The following CSNK1G3 variants were observed in gnomAD, a reference collection of about 807,000 sequenced individuals.
CSNK1G3 encodes the protein casein kinase I isoform gamma-3.
In CSNK1G3, 23 loss-of-function variants were observed where a neutral mutation model predicts 64.3. That is an observed-to-expected ratio of 0.36 (90% CI 0.26 to 0.51). The LOEUF (loss-of-function observed/expected upper bound fraction) is 0.51, where lower values mean the gene tolerates loss of function less well. Ranked by LOEUF, CSNK1G3 falls within the 20% of genes least tolerant of loss-of-function variation. CSNK1G3 has a pLI of 0.96. For missense variants in CSNK1G3, 357 were observed against 510.5 expected, an observed-to-expected ratio of 0.70 and a Z score of 2.90; for synonymous variants, 158 against 162.2, an observed-to-expected ratio of 0.97 and a Z score of 0.20.
chr5:123,592,874 G>A (rs1394819367), intron 10 of CSNK1G3, among the ~76,000 whole-genome samples: 1 of 151,784 alleles, frequency 6.6e-6, no homozygotes, highest in Non-Finnish European at 1.5e-5. Flanking sequence ...TAGCTGGAGT[G>A]CTGTGAAAAG....
intron 8 of CSNK1G3, among the ~76,000 whole-genome samples, chr5:123,588,912 TTAAG>T (rs1791822943): frequency 6.6e-6 from 1 of 152,136 alleles, no homozygotes; most frequent in Non-Finnish European, 1.5e-5. Flanking sequence ...TAAACTTAAA[TTAAG>T]TAAGGCCAGT....
chr5:123,588,363 G>A (rs960098746), intron 7 of CSNK1G3, 64 bp from the exon 8 acceptor site: 2 of 1,297,506 alleles, frequency 1.5e-6, no homozygotes, highest in African/African-American at 2.9e-5. Context: ...AGGCTACCGT[G>A]TGCAGTCCCA....
chr5:123,563,037 G>A (rs1786090237), intron 4 of CSNK1G3, among the ~76,000 whole-genome samples: 2 of 151,886 alleles, frequency 1.3e-5, no homozygotes, highest in African/African-American at 4.8e-5. Context: ...TTTGACATGA[G>A]TTTAAATAGG....
intron 2 of CSNK1G3, among the ~76,000 whole-genome samples, chr5:123,552,434 A>C (rs1783866288): frequency 6.6e-6 from 1 of 152,064 alleles, no homozygotes. Context: ...ATGAGCCACC[A>C]CGCCCGGCCA....
exon 13 of CSNK1G3, chr5:123,616,010 G>A (rs1320920677): frequency 3.3e-5 from 5 of 151,450 alleles, no homozygotes; most frequent in African/African-American, 1.2e-4. Flanking sequence ...TTTTTTTGAT[G>A]AATTAGGCAC....
chr5:123,589,464 A>G (rs1791942772), intron 8 of CSNK1G3, among the ~76,000 whole-genome samples: 1 of 152,132 alleles, frequency 6.6e-6, no homozygotes, highest in African/African-American at 2.4e-5. Context: ...CAAATTAGCC[A>G]GGTATTTAGC....
At chr5:123,525,003 G>C (rs1333055901) in intron 1 of CSNK1G3, among the ~76,000 whole-genome samples, 1 of 152,148 alleles carries the variant, frequency 6.6e-6, no homozygotes. Flanking sequence ...TCCACCTCAA[G>C]AATAAGATTT....
intron 1 of CSNK1G3, among the ~76,000 whole-genome samples, chr5:123,535,835 T>C (rs531079375): frequency 6.6e-6 from 1 of 152,162 alleles, no homozygotes; most frequent in Non-Finnish European, 1.5e-5. Flanking sequence ...AATTTTAAGC[T>C]AACTCATCAC....
chr5:123,578,868 A>T (rs1331338081), intron 6 of CSNK1G3, among the ~76,000 whole-genome samples: 1 of 151,978 alleles, frequency 6.6e-6, no homozygotes, highest in Non-Finnish European at 1.5e-5. Context: ...GTTTCTTAAA[A>T]AGTCAATTCT....
intron 12 of CSNK1G3, among the ~76,000 whole-genome samples, chr5:123,609,016 C>T (rs906116771): frequency 4.6e-5 from 7 of 152,056 alleles, no homozygotes; most frequent in Non-Finnish European, 1.0e-4. Flanking sequence ...AATGATTTGG[C>T]AAGGGAAATG....
At chr5:123,521,990 G>T (rs1350745087) in intron 1 of CSNK1G3, among the ~76,000 whole-genome samples, 1 of 152,138 alleles carries the variant, frequency 6.6e-6, no homozygotes, top group East Asian at 1.9e-4. Context: ...GTGTCCTGCA[G>T]GGTTGAAAAT....
chr5:123,523,529 C>A (rs1778507068), intron 1 of CSNK1G3, among the ~76,000 whole-genome samples: 1 of 152,036 alleles, frequency 6.6e-6, no homozygotes, highest in Non-Finnish European at 1.5e-5. Context: ...TTTGGCAGTT[C>A]TATAAATTGC....
At chr5:123,542,732 C>T (rs1302683849) in intron 1 of CSNK1G3, among the ~76,000 whole-genome samples, 3 of 151,962 alleles carry the variant, frequency 2.0e-5, no homozygotes, top group African/African-American at 7.2e-5. Flanking sequence ...TTCTTTTGGG[C>T]CTCCATTGTT....
chr5:123,551,000 T>C (rs1783533862), intron 2 of CSNK1G3, among the ~76,000 whole-genome samples: 1 of 152,216 alleles, frequency 6.6e-6, no homozygotes, highest in Non-Finnish European at 1.5e-5. Flanking sequence ...CTCAAAGGTA[T>C]GAAAGCCAAC....
chr5:123,603,067 A>G lies in CSNK1G3; in HGVS notation c.1087-1657A>G, dbSNP rs74554774. 3.4e-4 allele frequency among the ~76,000 whole-genome samples: 52 copies of G among 152,230 alleles called. No homozygotes were observed. In the East Asian group the frequency reaches 9.7e-3, roughly 28 times the overall value. The stretch of plus-strand genomic sequence containing the variant: ...GAGTCTAGACCCATCTTACTCCAGA[A>G]TGATCAGCTAGCGCCAAGTGATTTG... On this transcript the variant is annotated intron_variant, in intron 10 of 12. Coordinates refer to ENST00000345990, the Ensembl canonical transcript of CSNK1G3.
chr5:123,581,368 T>TTC (rs1790239968), intron 6 of CSNK1G3, among the ~76,000 whole-genome samples: 1 of 146,180 alleles, frequency 6.8e-6, no homozygotes, highest in Non-Finnish European at 1.5e-5. Flanking sequence ...TTGTTTTTTT[T>TTC]TTTTTTTTTT....
chr5:123,575,979 G>A lies in CSNK1G3; in HGVS notation c.673+16G>A, dbSNP rs745998347. 7.8e-6 allele frequency: 12 copies of A among 1,532,092 alleles called. No homozygotes were observed. The highest frequency in any genetic ancestry group is 1.7e-4 in the Middle Eastern group (1 of 5,882). 94.9% of individuals were successfully genotyped at this position (1,532,092 alleles called of 1,614,324 possible). A position where few individuals can be genotyped will look rare whatever the true frequency, so the allele number is the denominator to read the frequency against. ...TTAGGAAAAGGTATGTGTACCTTTC[G>A]TAAGTATGGAAGTTTGAACTTAGCA... On this transcript the variant is annotated intron_variant, in intron 6 of 12. Coordinates refer to ENST00000345990, the Ensembl canonical transcript of CSNK1G3.
intron 1 of CSNK1G3, among the ~76,000 whole-genome samples, chr5:123,542,964 G>T (rs1193387395): frequency 6.7e-6 from 1 of 149,824 alleles, no homozygotes; most frequent in Non-Finnish European, 1.5e-5. Flanking sequence ...GGTTAAATAG[G>T]ACTCTAACAG....
intron 3 of CSNK1G3, among the ~76,000 whole-genome samples, chr5:123,556,329 A>G (rs115123189): frequency 0.012 from 1,850 of 152,174 alleles, 43 homozygotes; most frequent in African/African-American, 0.041. Flanking sequence ...AACCTCATCA[A>G]TTCTGGAATA....
Sources: allele counts gnomAD v4.1 joint callset (sites outside exome capture counted in the v4.1 genomes callset), GRCh38; gene constraint gnomAD v4.1.1; transcripts MANE v1.5; gene names NCBI Gene and HGNC (gene_info 2026-07-23, HGNC 2026-07-21).